Variants in OR1J2 observed in about 807,000 individuals in gnomAD.
OR1J2 encodes olfactory receptor 1J2.
For missense variants in OR1J2, 304 were observed against 246.1 expected (o/e 1.24, Z -1.57); for synonymous variants, 142 against 99.7 (o/e 1.42, Z -2.52).
chr9:122,488,008 T>C, the OR1J2 span, among the ~76,000 whole-genome samples: 1 of 152,206 alleles, frequency 6.6e-6, no homozygotes, highest in Non-Finnish European at 1.5e-5. Flanking sequence ...GTTAAATGAG[T>C]ATTCAAACAT....
At chr9:122,519,505 G>A in the OR1J2 span, 64 of 1,613,828 alleles carry the variant, frequency 4.0e-5, no homozygotes, top group Middle Eastern at 3.3e-4. Context: ...GCATACGATC[G>A]GTATGTGGCC....
chr9:122,527,019 T>A, the OR1J2 span: 1 of 1,614,152 alleles, frequency 6.2e-7, no homozygotes, highest in Non-Finnish European at 8.5e-7. Flanking sequence ...GCAACCCGTA[T>A]AGGAGATGGT....
At chr9:122,477,117 C>T in the OR1J2 span, 1 of 1,613,924 alleles carries the variant, frequency 6.2e-7, no homozygotes, top group Admixed American at 1.7e-5. Context: ...CAATTATGTT[C>T]TTGTCATTGG....
chr9:122,562,842 A>G, the OR1J2 span, among the ~76,000 whole-genome samples: 1 of 152,160 alleles, frequency 6.6e-6, no homozygotes, highest in African/African-American at 2.4e-5. Context: ...ACAAAAGAAT[A>G]AAAATGATTT....
the OR1J2 span, among the ~76,000 whole-genome samples, chr9:122,541,031 C>T: frequency 6.6e-6 from 1 of 152,252 alleles, no homozygotes; most frequent in African/African-American, 2.4e-5. Flanking sequence ...TCACATTGAC[C>T]AACCTCCCTG....
At chr9:122,498,443 T>C in the OR1J2 span, among the ~76,000 whole-genome samples, 2 of 152,250 alleles carry the variant, frequency 1.3e-5, no homozygotes, top group Non-Finnish European at 2.9e-5. Context: ...CTTTCACTTA[T>C]GTTTTGAAAT....
chr9:122,470,554 G>A, the OR1J2 span, among the ~76,000 whole-genome samples: 1 of 152,190 alleles, frequency 6.6e-6, no homozygotes, highest in Non-Finnish European at 1.5e-5. Flanking sequence ...TCCCTACTGG[G>A]GCACTGTGGT....
the OR1J2 span, among the ~76,000 whole-genome samples, chr9:122,499,240 AG>A: frequency 6.6e-6 from 1 of 152,208 alleles, no homozygotes; most frequent in African/African-American, 2.4e-5. Flanking sequence ...AGGATCCCAG[AG>A]GTGTGTCTAG....
chr9:122,577,411 G>T, the OR1J2 span, among the ~76,000 whole-genome samples: 2 of 152,080 alleles, frequency 1.3e-5, no homozygotes, highest in Non-Finnish European at 2.9e-5. Context: ...TACAAAAATC[G>T]TTGGGATAGT....
the OR1J2 span, among the ~76,000 whole-genome samples, chr9:122,488,836 A>G: frequency 6.7e-6 from 1 of 149,530 alleles, no homozygotes; most frequent in Non-Finnish European, 1.5e-5. Flanking sequence ...CACTGTAAGT[A>G]AAGAAAACAC....
At chr9:122,466,568 C>T in the OR1J2 span, among the ~76,000 whole-genome samples, 4 of 152,176 alleles carry the variant, frequency 2.6e-5, no homozygotes, top group South Asian at 2.1e-4. Flanking sequence ...CACTAACATT[C>T]GTAATGTTAC....
chr9:122,482,373 A>G, the OR1J2 span, among the ~76,000 whole-genome samples: 1 of 152,170 alleles, frequency 6.6e-6, no homozygotes, highest in Admixed American at 6.5e-5. Context: ...AAAAATACCA[A>G]ATACTGGCCT....
At chr9:122,567,086 CAAG>C in the OR1J2 span, 3 of 152,280 alleles carry the variant, frequency 2.0e-5, no homozygotes, top group African/African-American at 7.2e-5. Flanking sequence ...TAAAAATTCT[CAAG>C]AAGAGAAAAT....
chr9:122,516,830 G>A, the OR1J2 span, among the ~76,000 whole-genome samples: 1 of 152,168 alleles, frequency 6.6e-6, no homozygotes, highest in Non-Finnish European at 1.5e-5. Flanking sequence ...GGGTGTGGTT[G>A]GATGCTGCCT....
the OR1J2 span, among the ~76,000 whole-genome samples, chr9:122,565,267 C>T: frequency 2.0e-5 from 3 of 152,140 alleles, no homozygotes; most frequent in Non-Finnish European, 2.9e-5. Context: ...GTGAATAGAC[C>T]TCTATGAATG....
the OR1J2 span, among the ~76,000 whole-genome samples, chr9:122,502,516 A>T: frequency 6.6e-6 from 1 of 152,202 alleles, no homozygotes; most frequent in South Asian, 2.1e-4. Context: ...GAGGCCTTGG[A>T]AGATCATGGT....
At chr9:122,531,154 C>T in the OR1J2 span, among the ~76,000 whole-genome samples, 1 of 152,028 alleles carries the variant, frequency 6.6e-6, no homozygotes, top group Admixed American at 6.6e-5. Context: ...GCGTGGGAAC[C>T]TAGAGTGGGA....
chr9:122,531,873 T>C, the OR1J2 span, among the ~76,000 whole-genome samples: 10 of 152,134 alleles, frequency 6.6e-5, no homozygotes, highest in Non-Finnish European at 1.2e-4. Flanking sequence ...TTAGAACCTG[T>C]GGGAAAGGCC....
chr9:122,515,110 C>T (rs1239843046), downstream of OR1J2, among the ~76,000 whole-genome samples: 1 of 152,144 alleles, frequency 6.6e-6, no homozygotes, highest in African/African-American at 2.4e-5. Flanking sequence ...CTTGTGTCCT[C>T]TCCCTGGTGG....
Sources: gnomAD v4.1 joint callset for allele counts (sites outside exome capture counted in the v4.1 genomes callset) on GRCh38, gnomAD v4.1.1 for gene constraint, MANE v1.5 for transcripts, NCBI Gene and HGNC (gene_info 2026-07-23, HGNC 2026-07-21) for gene names.